DNAAF5: variants seen among roughly 807,000 people sequenced by gnomAD.
The protein encoded by DNAAF5 is HEAT repeat containing 2.
In DNAAF5, 64 loss-of-function variants were observed where a neutral mutation model predicts 75.8. The ratio of observed to expected loss-of-function variants is 0.84; its 90% CI spans 0.69 to 1.04. The LOEUF (loss-of-function observed/expected upper bound fraction) is 1.04. Ranked by LOEUF, DNAAF5 falls within the 50% of genes least tolerant of loss-of-function variation. The probability of loss-of-function intolerance (pLI) is 0.00; values close to 1 mark genes in which losing one functional copy is unlikely to be tolerated. For synonymous variants in DNAAF5, 657 were observed against 557.2 expected (o/e 1.18, Z -2.52); for missense variants, 1,269 against 1,178.5 (o/e 1.08, Z -1.12).
At chr7:784,158 G>A (rs896303086) in intron 12 of DNAAF5, among the ~76,000 whole-genome samples, 8 of 152,114 alleles carry the variant, frequency 5.3e-5, no homozygotes, top group African/African-American at 1.7e-4. Flanking sequence ...TCTGAGCAGC[G>A]CCAGGCACAG....
At chr7:753,145 T>C (rs568036686) in intron 4 of DNAAF5, among the ~76,000 whole-genome samples, 3 of 152,314 alleles carry the variant, frequency 2.0e-5, no homozygotes, top group African/African-American at 7.2e-5. Flanking sequence ...AACGTGCACC[T>C]TCCCTGTGGC....
In DNAAF5 at chr7:769,119, C is replaced by T. The variant is rs779833346; in HGVS notation, c.1784-1352C>T. The T allele has an allele frequency of 1.3e-5, 10 of 761,218 alleles. No homozygotes were observed. The South Asian group carries it at 1.4e-4, about 11-fold the overall frequency. 47.2% of individuals were successfully genotyped at this position (761,218 alleles called of 1,614,324 possible). A position where few individuals can be genotyped will look rare whatever the true frequency, so the allele number is the denominator to read the frequency against. ...GTGTGGCAAGGGCAGGTGCGGGGGT[C>T]TCAGTCCACTACCGAGCAGCCTGCT... On this transcript the variant is annotated intron_variant, in intron 8 of 12. Coordinates refer to ENST00000297440, the MANE Select transcript of DNAAF5 (RefSeq NM_017802.4).
intron 11 of DNAAF5, among the ~76,000 whole-genome samples, chr7:776,069 G>A (rs1019304137): frequency 2.6e-5 from 4 of 152,204 alleles, no homozygotes; most frequent in Admixed American, 6.5e-5. Context: ...GCCGGGCACG[G>A]TGGCTCACGC....
chr7:753,912 G>A (rs1305868888), intron 4 of DNAAF5, among the ~76,000 whole-genome samples: 2 of 127,300 alleles, frequency 1.6e-5, no homozygotes, highest in Non-Finnish European at 3.2e-5. Context: ...CGATGGCTTC[G>A]CAGGCGTGTG....
chr7:751,889 A>G (rs1161017310), intron 4 of DNAAF5, among the ~76,000 whole-genome samples: 1 of 152,192 alleles, frequency 6.6e-6, no homozygotes, highest in African/African-American at 2.4e-5. Context: ...TTTGAAGATC[A>G]GAATCTTTTC....
intron 12 of DNAAF5, among the ~76,000 whole-genome samples, chr7:781,750 T>TA (rs1336996995): frequency 2.6e-5 from 4 of 152,218 alleles, no homozygotes; most frequent in Non-Finnish European, 5.9e-5. Context: ...GCGGTGGTGG[T>TA]GGGCACCTTT....
chr7:773,557 T>C (rs1583516665), intron 9 of DNAAF5, among the ~76,000 whole-genome samples: 1 of 152,056 alleles, frequency 6.6e-6, no homozygotes, highest in Non-Finnish European at 1.5e-5. Context: ...CCTGTGGCCC[T>C]CCCATCCCGC....
At chr7:771,528 T>C (rs750366513) in intron 9 of DNAAF5, 2 of 152,264 alleles carry the variant, frequency 1.3e-5, no homozygotes, top group Non-Finnish European at 2.9e-5. Context: ...GCTCAGACTT[T>C]TCTCCTTCAT....
intron 2 of DNAAF5, among the ~76,000 whole-genome samples, chr7:735,747 G>T (rs1781723886): frequency 6.6e-6 from 1 of 151,984 alleles, no homozygotes; most frequent in African/African-American, 2.4e-5. Context: ...TGTTCATTTT[G>T]TTGGTCTTTT....
chr7:775,148 T>G lies in DNAAF5; in HGVS notation c.2225T>G (p.Ile742Ser). 1.2e-6 allele frequency: 2 copies of G among 1,614,080 alleles called. No individual in the cohort carries two copies. Among genetic ancestry groups the G allele is most frequent in the Non-Finnish European group, 1.7e-6 (2 of 1,179,962 alleles). ...SGGMTDPEKLIRIYPELLKRL... is the reference protein window; with the variant it reads ...SGGMTDPEKLSRIYPELLKRL... ...GGCATGACGGATCCAGAGAAACTCA[T>G]CAGGATTTATCCTGGTAGGACATTT... The change falls in exon 11 of 13, where the codon ATC becomes AGC. Residue 742 changes from isoleucine (I) to serine (S), a missense_variant. Physicochemically the swap from Ile to Ser is moderately radical, Grantham distance 142. Transcript: ENST00000297440.
At chr7:745,113 A>G (rs1308729836) in intron 4 of DNAAF5, among the ~76,000 whole-genome samples, 1 of 152,080 alleles carries the variant, frequency 6.6e-6, no homozygotes, top group African/African-American at 2.4e-5. Flanking sequence ...GCTCCTGGTG[A>G]TTTCAGCTGG....
intron 12 of DNAAF5, among the ~76,000 whole-genome samples, chr7:784,306 T>G (rs1048366135): frequency 2.0e-5 from 3 of 152,230 alleles, no homozygotes; most frequent in Middle Eastern, 3.4e-3. Flanking sequence ...TGGCCTCAGC[T>G]CCACACACAA....
intron 4 of DNAAF5, among the ~76,000 whole-genome samples, chr7:746,414 C>CCCTG (rs1782109291): frequency 1.2e-5 from 1 of 80,226 alleles, no homozygotes; most frequent in African/African-American, 6.6e-5. Flanking sequence ...TACCGTCCTG[C>CCCTG]TGCCCCCCAC....
At chr7:738,202 G>T (rs1050431626) in intron 2 of DNAAF5, among the ~76,000 whole-genome samples, 1 of 152,122 alleles carries the variant, frequency 6.6e-6, no homozygotes, top group Non-Finnish European at 1.5e-5. Context: ...GCTGTTGAGA[G>T]GCTCCAATGC....
chr7:765,302 C>T lies in DNAAF5; in HGVS notation c.1783+1328C>T, dbSNP rs73669681. 4.8e-3 allele frequency among the ~76,000 whole-genome samples: 725 copies of T among 152,232 alleles called. 6 individuals are homozygous for T. The highest frequency in any genetic ancestry group is 0.016 in the African/African-American group (668 of 41,534). On this transcript the variant is annotated intron_variant, in intron 8 of 12. Transcript: ENST00000297440. The stretch of plus-strand genomic sequence containing the variant: ...AAGGAGGCAGAGCACAGAGAACTCC[C>T]GAGGCAGCGACTCCAGAGCCTCCCT...
chr7:744,267 A>T (rs1167304364), intron 4 of DNAAF5, among the ~76,000 whole-genome samples: 1 of 152,164 alleles, frequency 6.6e-6, no homozygotes, highest in Admixed American at 6.6e-5. Flanking sequence ...AAGGACATGA[A>T]CTCATCATTT....
At chr7:732,863 G>C (rs1157179874) in intron 2 of DNAAF5, among the ~76,000 whole-genome samples, 1 of 152,148 alleles carries the variant, frequency 6.6e-6, no homozygotes, top group African/African-American at 2.4e-5. Context: ...CCCAGGCCAT[G>C]TCCCAGAGAG....
At chr7:727,368 C>G in intron 1 of DNAAF5, 53 bp downstream of exon 1, 9 of 1,055,602 alleles carry the variant, frequency 8.5e-6, no homozygotes, top group Non-Finnish European at 1.1e-5. Context: ...TCACCCCCAC[C>G]TCCACCTCCG....
intron 11 of DNAAF5, among the ~76,000 whole-genome samples, chr7:775,965 G>A (rs1183695625): frequency 6.6e-6 from 1 of 152,166 alleles, no homozygotes; most frequent in East Asian, 1.9e-4. Context: ...CCTAGAGGAG[G>A]AGGATTCCTG....
Sources: allele counts gnomAD v4.1 joint callset (sites outside exome capture counted in the v4.1 genomes callset), GRCh38; gene constraint gnomAD v4.1.1; transcripts MANE v1.5; gene names NCBI Gene and HGNC (gene_info 2026-07-23, HGNC 2026-07-21).